Variants in BTRC observed in about 807,000 individuals in gnomAD.
The protein encoded by BTRC is F-box/WD repeat-containing protein 1A.
In BTRC, 42 loss-of-function variants were observed where a neutral mutation model predicts 85.5. The observed-to-expected ratio is 0.49, with a 90% CI of 0.38 to 0.64. The LOEUF (loss-of-function observed/expected upper bound fraction) is 0.64, where lower values mean the gene tolerates loss of function less well. Among genes scored for constraint, BTRC ranks in the 30% least tolerant of loss-of-function variants. The pLI is 0.00. For synonymous variants in BTRC, 255 were observed against 263.3 expected (o/e 0.97, Z 0.30); for missense variants, 594 against 743.5 (o/e 0.80, Z 2.34).
intron 3 of BTRC, among the ~76,000 whole-genome samples, chr10:101,467,344 T>TTTC (rs1945404191): frequency 7.4e-6 from 1 of 134,554 alleles, no homozygotes; most frequent in Non-Finnish European, 1.7e-5. Flanking sequence ...TTTTTTTTTT[T>TTTC]TCTCTCTATT....
chr10:101,475,950 TATA>T (rs1945673032), intron 3 of BTRC, among the ~76,000 whole-genome samples: 5 of 138,630 alleles, frequency 3.6e-5, no homozygotes, highest in African/African-American at 1.1e-4. Flanking sequence ...TATATATATA[TATA>T]TTCAGTAATT....
intron 1 of BTRC, among the ~76,000 whole-genome samples, chr10:101,359,734 G>C (rs1445831505): frequency 1.3e-5 from 2 of 151,844 alleles, no homozygotes; most frequent in Non-Finnish European, 2.9e-5. Context: ...CCCTGTAGCT[G>C]GGATTACAGG....
At chr10:101,407,363 G>T (rs1943654588) in intron 1 of BTRC, among the ~76,000 whole-genome samples, 1 of 152,098 alleles carries the variant, frequency 6.6e-6, no homozygotes. Context: ...AAAGTGAAAA[G>T]AAAGTTGAAA....
At chr10:101,406,861 T>TA (rs1943640660) in intron 1 of BTRC, among the ~76,000 whole-genome samples, 1 of 152,182 alleles carries the variant, frequency 6.6e-6, no homozygotes, top group African/African-American at 2.4e-5. Context: ...GTTTTTATGA[T>TA]ACAGCTTCTT....
intron 2 of BTRC, among the ~76,000 whole-genome samples, chr10:101,452,623 T>TAAGG (rs879391051): frequency 1.3e-5 from 2 of 152,046 alleles, no homozygotes; most frequent in Non-Finnish European, 2.9e-5. Context: ...TCACAGGGAG[T>TAAGG]AAGGCAGTGC....
chr10:101,516,378 A>T (rs1209816254), intron 4 of BTRC, among the ~76,000 whole-genome samples: 1 of 152,218 alleles, frequency 6.6e-6, no homozygotes, highest in Non-Finnish European at 1.5e-5. Context: ...TGCTAAATTG[A>T]AGAGCTAGAA....
At chr10:101,514,885 T>C (rs979316521) in intron 4 of BTRC, among the ~76,000 whole-genome samples, 9 of 152,340 alleles carry the variant, frequency 5.9e-5, no homozygotes, top group Admixed American at 1.3e-4. Context: ...TACTATTACA[T>C]ATCTTGAAAT....
At chr10:101,406,055 C>G (rs1015190833) in intron 1 of BTRC, among the ~76,000 whole-genome samples, 1 of 151,950 alleles carries the variant, frequency 6.6e-6, no homozygotes, top group Non-Finnish European at 1.5e-5. Flanking sequence ...TGTGTATTTT[C>G]CCTTTAGTTC....
intron 1 of BTRC, among the ~76,000 whole-genome samples, chr10:101,410,155 G>A (rs1943736968): frequency 1.3e-5 from 2 of 152,116 alleles, no homozygotes; most frequent in Admixed American, 6.6e-5. Flanking sequence ...TACTGATAAA[G>A]CTTCTTCTAG....
intron 3 of BTRC, among the ~76,000 whole-genome samples, chr10:101,474,533 T>C (rs1449482536): frequency 1.3e-5 from 2 of 152,230 alleles, no homozygotes; most frequent in African/African-American, 4.8e-5. Context: ...CCCCTTCATG[T>C]ACGTAGTTTG....
In BTRC at chr10:101,538,278, C is replaced by G; in HGVS notation, c.1578-15C>G. 6.2e-7 allele frequency: 1 copy of G among 1,611,892 alleles called. No homozygotes were observed. Among genetic ancestry groups the G allele is most frequent in the Non-Finnish European group, 8.5e-7 (1 of 1,178,004 alleles). On this transcript the variant is annotated splice_polypyrimidine_tract_variant and intron_variant, in intron 12 of 14. Transcript: ENST00000370187. Reference sequence around the variant, plus strand: ...TGCTTTTAACTAACATTTTTGTCCCCTTTTTGATCTTTAGAAAAATTAAAG... The same window carrying G: ...TGCTTTTAACTAACATTTTTGTCCCGTTTTTGATCTTTAGAAAAATTAAAG...
At chr10:101,433,603 G>C (rs558438437) in intron 2 of BTRC, among the ~76,000 whole-genome samples, 9 of 152,162 alleles carry the variant, frequency 5.9e-5, no homozygotes, top group African/African-American at 2.2e-4. Flanking sequence ...AGAGAATAAA[G>C]AGAAAGGGGA....
chr10:101,362,993 C>G (rs578213433), intron 1 of BTRC, among the ~76,000 whole-genome samples: 1 of 152,114 alleles, frequency 6.6e-6, no homozygotes, highest in Non-Finnish European at 1.5e-5. Flanking sequence ...CTATAAGAGA[C>G]TTTTGAGTAT....
At chr10:101,387,222 A>G (rs189805742) in intron 1 of BTRC, among the ~76,000 whole-genome samples, 2 of 151,772 alleles carry the variant, frequency 1.3e-5, no homozygotes, top group Admixed American at 1.3e-4. Flanking sequence ...ATTTAACATA[A>G]TAAGTGTACA....
At chr10:101,502,038 T>G (rs766096485) in intron 4 of BTRC, among the ~76,000 whole-genome samples, 2 of 152,168 alleles carry the variant, frequency 1.3e-5, no homozygotes, top group East Asian at 3.9e-4. Context: ...ATGGTGCCCA[T>G]GTAGGGGACA....
intron 2 of BTRC, among the ~76,000 whole-genome samples, chr10:101,434,895 A>C (rs567746747): frequency 6.6e-6 from 1 of 152,036 alleles, no homozygotes; most frequent in Non-Finnish European, 1.5e-5. Context: ...TCGGCCTCCT[A>C]AAGTCCTGGG....
At chr10:101,426,961 T>C (rs1158053883) in intron 1 of BTRC, among the ~76,000 whole-genome samples, 1 of 152,140 alleles carries the variant, frequency 6.6e-6, no homozygotes, top group African/African-American at 2.4e-5. Flanking sequence ...TTCCTGTGTT[T>C]TCATGCTCTA....
chr10:101,463,672 A>T (rs558937030), intron 3 of BTRC, among the ~76,000 whole-genome samples: 213 of 152,198 alleles, frequency 1.4e-3, no homozygotes, highest in Non-Finnish European at 2.7e-3. Flanking sequence ...ATATGATGTG[A>T]CTTCCAATTT....
At chr10:101,406,560 A>G (rs1943630363) in intron 1 of BTRC, among the ~76,000 whole-genome samples, 1 of 91,400 alleles carries the variant, frequency 1.1e-5, no homozygotes, top group Admixed American at 1.8e-4. Context: ...TTTGAGACGG[A>G]GTCTCACTCT....
Sources: gnomAD v4.1 joint callset for allele counts (sites outside exome capture counted in the v4.1 genomes callset) on GRCh38, gnomAD v4.1.1 for gene constraint, MANE v1.5 for transcripts, NCBI Gene and HGNC (gene_info 2026-07-23, HGNC 2026-07-21) for gene names.